Variants in TRIO observed in about 807,000 individuals in gnomAD.
TRIO encodes the protein trio Rho guanine nucleotide exchange factor.
In TRIO, 58 loss-of-function variants were observed where a neutral mutation model predicts 351.9. That is an observed-to-expected ratio of 0.16 (90% CI 0.13 to 0.21). TRIO has a LOEUF of 0.21. TRIO is among the 10% of genes least tolerant of loss of function. The pLI, the probability that TRIO is intolerant of heterozygous loss-of-function variation, is 1.00. For synonymous variants in TRIO, 1,758 were observed against 1,595.7 expected, an observed-to-expected ratio of 1.10 and a Z score of -2.42; for missense variants, 3,201 against 4,027.8, an observed-to-expected ratio of 0.79 and a Z score of 5.56.
chr5:14,375,684 A>G (rs1366351662), intron 19 of TRIO, among the ~76,000 whole-genome samples: 1 of 152,100 alleles, frequency 6.6e-6, no homozygotes, highest in African/African-American at 2.4e-5. Flanking sequence ...GAGGACCCCC[A>G]GGAGCTTGAG....
chr5:14,426,858 TC>T (rs1238704256), intron 34 of TRIO, among the ~76,000 whole-genome samples: 1 of 152,184 alleles, frequency 6.6e-6, no homozygotes, highest in Non-Finnish European at 1.5e-5. Context: ...GTTGTCGAGT[TC>T]TGGGTTTTTT....
intron 1 of TRIO, among the ~76,000 whole-genome samples, chr5:14,236,869 G>A (rs1793801069): frequency 6.6e-6 from 1 of 151,986 alleles, no homozygotes; most frequent in African/African-American, 2.4e-5. Context: ...CCAGTCCCAA[G>A]CAACTACCAG....
chr5:14,498,384 A>G (rs2126682357), intron 52 of TRIO, 133 bp downstream of exon 52: 3 of 1,506,606 alleles, frequency 2.0e-6, no homozygotes, highest in Admixed American at 2.0e-5. Flanking sequence ...GTGAGAGCCC[A>G]TTTCACGCCT....
In TRIO at chr5:14,330,781, C is replaced by T. The variant is rs748057385; in HGVS notation, c.1735C>T (p.Leu579=). The T allele has an allele frequency of 9.3e-6, 15 of 1,613,848 alleles. No individual in the cohort carries two copies. The highest frequency in any genetic ancestry group is 1.6e-4 in the Middle Eastern group (1 of 6,082). The change falls in exon 10 of 57, where the codon CTA becomes TTA. Residue 579 remains leucine, a synonymous_variant. Transcript: ENST00000344204. ...CVFQQDVQQV[L]DWIENHGEAF... is the part of the protein sequence containing the mutation. The stretch of plus-strand genomic sequence containing the variant: ...ATGTACCTGTATTTCATTGTAGGTG[C>T]TAGACTGGATCGAGAACCACGGAGA...
intron 15 of TRIO, among the ~76,000 whole-genome samples, chr5:14,365,418 G>C (rs1455172005): frequency 1.3e-5 from 2 of 152,186 alleles, no homozygotes; most frequent in Non-Finnish European, 2.9e-5. Flanking sequence ...TTTGGTTGGA[G>C]GGGACTTAAG....
chr5:14,211,952 AAAAAAAAAAACC>A (rs949283150), intron 1 of TRIO, among the ~76,000 whole-genome samples: 4 of 43,322 alleles, frequency 9.2e-5, no homozygotes, highest in African/African-American at 1.9e-4. Flanking sequence ...CCATCTCTCC[AAAAAAAAAAACC>A]AAAAAAACAA....
intron 1 of TRIO, among the ~76,000 whole-genome samples, chr5:14,207,919 C>T (rs1035601555): frequency 5.3e-5 from 8 of 152,100 alleles, no homozygotes; most frequent in African/African-American, 1.4e-4. Context: ...AGAAGATGTT[C>T]AATATCATTA....
At chr5:14,177,349 T>C (rs80063300) in intron 1 of TRIO, among the ~76,000 whole-genome samples, 1,912 of 152,298 alleles carry the variant, frequency 0.013, 29 homozygotes, top group African/African-American at 0.043. Context: ...AATCTTCTTA[T>C]GGGGATTTTC....
chr5:14,246,984 G>T (rs564091735), intron 1 of TRIO, among the ~76,000 whole-genome samples: 3 of 152,248 alleles, frequency 2.0e-5, no homozygotes, highest in Admixed American at 2.0e-4. Context: ...TCCTGGCCTC[G>T]CTCCTTGGTG....
chr5:14,349,046 A>G (rs1742751205), intron 11 of TRIO, among the ~76,000 whole-genome samples: 1 of 139,760 alleles, frequency 7.2e-6, no homozygotes, highest in Non-Finnish European at 1.5e-5. Context: ...GCACGTGAGC[A>G]TGTGTTTTTC....
Position 14,410,613 on chromosome 5 carries a change from C to A in TRIO, c.4959+3941C>A, listed in dbSNP as rs552729896. ...GCCTGTTCGACTTAATTTATGATGT[C>A]TGTTATTAGTTAGTTGTTATCATGG... On this transcript the variant is annotated intron_variant, in intron 33 of 56. Transcript: ENST00000344204. Among the ~76,000 whole-genome samples, 51 of 152,266 alleles carry A rather than the reference C, an allele frequency of 3.3e-4. 1 individual carries two copies. In the South Asian group the frequency reaches 0.01, roughly 31 times the overall value.
intron 1 of TRIO, among the ~76,000 whole-genome samples, chr5:14,254,360 C>T (rs1489576996): frequency 6.6e-6 from 1 of 152,066 alleles, no homozygotes; most frequent in African/African-American, 2.4e-5. Flanking sequence ...TTAGTAGAGA[C>T]GGGGTTTCAC....
intron 21 of TRIO, among the ~76,000 whole-genome samples, chr5:14,386,920 CT>C (rs1746594909): frequency 6.6e-6 from 1 of 152,228 alleles, no homozygotes; most frequent in Non-Finnish European, 1.5e-5. Flanking sequence ...CACAGAGGAG[CT>C]TCATGAGGAA....
intron 1 of TRIO, among the ~76,000 whole-genome samples, chr5:14,217,262 CAGGTTG>C (rs1419889294): frequency 6.6e-6 from 1 of 152,200 alleles, no homozygotes; most frequent in Non-Finnish European, 1.5e-5. Context: ...GCAGGCCATT[CAGGTTG>C]ACTCTCTGAG....
chr5:14,487,908 G>A lies in TRIO; in HGVS notation c.7280G>A (p.Gly2427Glu), dbSNP rs1455960623. 13 of 1,540,092 alleles carry A rather than the reference G, an allele frequency of 8.4e-6. No homozygotes were observed. The highest frequency in any genetic ancestry group is 1.1e-5 in the Non-Finnish European group (13 of 1,143,614). Residue 2427 changes from glycine to glutamate, a missense_variant, in exon 48 of 57, where the codon GGG (glycine) becomes GAG (glutamate). Transcript: ENST00000344204. ...AGGAAAGGCGCCGCGAACGCCTCGG[G>A]GTCGAGCCCAGACGCCCCCGCCAAG... is the stretch of plus-strand genomic sequence containing the variant. ...SPRKGAANASGSSPDAPAKDA... is the reference protein window; with the variant it reads ...SPRKGAANASESSPDAPAKDA...
Position 14,487,981 on chromosome 5 carries a change from CGGG to C in TRIO, c.7355_7357del (p.Gly2452del). The C allele has an allele frequency of 6.4e-7, 1 of 1,556,372 alleles. No homozygotes were observed. On this transcript the variant is annotated inframe_deletion, in exon 48 of 57. Transcript: ENST00000344204. ...CCCTGCCGCTTGGGAAGCCCCGGGCCGGGGCCGCTTCGCCGCTGAACTCGCCGC... is the reference window on the plus strand; with the variant it reads ...CCCTGCCGCTTGGGAAGCCCCGGGCCGCCGCTTCGCCGCTGAACTCGCCGC...
chr5:14,312,508 A>G (rs16903387), intron 8 of TRIO, among the ~76,000 whole-genome samples: 3 of 152,200 alleles, frequency 2.0e-5, no homozygotes, highest in Non-Finnish European at 4.4e-5. Flanking sequence ...GTGTATTCCA[A>G]GAAAAACAAA....
Position 14,276,588 on chromosome 5 carries a change from G to A in TRIO, c.233-3734G>A, listed in dbSNP as rs142594435. On this transcript the variant is annotated intron_variant, in intron 2 of 56. Coordinates refer to ENST00000344204, the MANE Select transcript of TRIO (RefSeq NM_007118.4). The stretch of plus-strand genomic sequence containing the variant: ...GCAAAGGCTGCTTTTTATTGTCAGT[G>A]TGAGTTAGACTGTTCCTTGGGAGTT... Among the ~76,000 whole-genome samples, 539 of 152,370 alleles carry A rather than the reference G, an allele frequency of 3.5e-3. 4 individuals carry two copies. The highest frequency in any genetic ancestry group is 0.02 in the Middle Eastern group (6 of 294).
At chr5:14,366,760 G>T in intron 15 of TRIO, 100 bp from the exon 16 acceptor site, 1 of 1,527,152 alleles carries the variant, frequency 6.5e-7, no homozygotes, top group Admixed American at 1.9e-5. Flanking sequence ...TACCTGCCAG[G>T]AGCAACTGGA....
Sources: allele counts gnomAD v4.1 joint callset (sites outside exome capture counted in the v4.1 genomes callset), GRCh38; gene constraint gnomAD v4.1.1; transcripts MANE v1.5; gene names NCBI Gene and HGNC (gene_info 2026-07-23, HGNC 2026-07-21).